The following QKI variants were observed in gnomAD, a reference collection of about 807,000 sequenced individuals.
QKI encodes the protein KH domain-containing RNA-binding protein QKI.
A neutral mutation model predicts 39.0 loss-of-function variants in QKI; 10 were observed. The observed-to-expected ratio is 0.26, with a 90% confidence interval of 0.16 to 0.43. The LOEUF is 0.43. Among genes scored for constraint, QKI ranks in the 20% least tolerant of loss-of-function variants. QKI has a pLI of 1.00. For missense variants in QKI, 218 were observed against 428.0 expected (o/e 0.51, Z 4.33); for synonymous variants, 204 against 155.4 (o/e 1.31, Z -2.33).
intron 3 of QKI, among the ~76,000 whole-genome samples, chr6:163,521,547 G>A (rs1344588590): frequency 1.3e-5 from 2 of 151,404 alleles, no homozygotes; most frequent in South Asian, 2.1e-4. Flanking sequence ...TTTTGAGACA[G>A]AAACTCACTC....
At chr6:163,536,540 C>T (rs1306754221) in intron 4 of QKI, among the ~76,000 whole-genome samples, 1 of 152,120 alleles carries the variant, frequency 6.6e-6, no homozygotes, top group Non-Finnish European at 1.5e-5. Flanking sequence ...CCCTGACAAC[C>T]GAGCCCTCCC....
chr6:163,438,934 T>G (rs1262920896), intron 1 of QKI, among the ~76,000 whole-genome samples: 1 of 152,212 alleles, frequency 6.6e-6, no homozygotes, highest in East Asian at 1.9e-4. Context: ...ACAAATACAT[T>G]ATACAGCTGT....
chr6:163,480,847 A>G (rs916270880), intron 3 of QKI, among the ~76,000 whole-genome samples: 2 of 152,226 alleles, frequency 1.3e-5, no homozygotes, highest in Admixed American at 1.3e-4. Context: ...ATAAATCTGT[A>G]TGAAAAGATT....
intron 5 of QKI, among the ~76,000 whole-genome samples, chr6:163,562,657 AAAT>A (rs1371563500): frequency 6.6e-6 from 1 of 152,200 alleles, no homozygotes; most frequent in Non-Finnish European, 1.5e-5. Context: ...GTTTAAAATG[AAAT>A]AATGTGAAAT....
At chr6:163,527,950 A>G (rs1780615608) in intron 3 of QKI, among the ~76,000 whole-genome samples, 1 of 152,170 alleles carries the variant, frequency 6.6e-6, no homozygotes, top group Non-Finnish European at 1.5e-5. Context: ...CTACAGATTT[A>G]TCCTTTTTGT....
intron 3 of QKI, among the ~76,000 whole-genome samples, chr6:163,498,004 C>G (rs987152869): frequency 2.0e-5 from 3 of 151,900 alleles, no homozygotes; most frequent in African/African-American, 7.2e-5. Context: ...AATTAAAATA[C>G]TACTTTAAAA....
intron 4 of QKI, among the ~76,000 whole-genome samples, chr6:163,555,086 T>G (rs1178213084): frequency 6.6e-6 from 1 of 152,202 alleles, no homozygotes; most frequent in Non-Finnish European, 1.5e-5. Flanking sequence ...TTCTCTGATA[T>G]TTGTTATTCT....
intron 4 of QKI, among the ~76,000 whole-genome samples, chr6:163,539,477 A>G (rs536274223): frequency 6.6e-6 from 1 of 152,162 alleles, no homozygotes; most frequent in East Asian, 1.9e-4. Context: ...ATATTGCTTC[A>G]CCTGCAGTGA....
In QKI at chr6:163,431,182, G is replaced by GA. The variant is rs892440437; in HGVS notation, c.142+15857dup. On this transcript the variant is annotated intron_variant, in intron 1 of 7. Transcript: ENST00000361752. ...TCAAGTCAAATCAAAGTACCCCTTG[G>GA]AAAAAAAAAAGTTATATTATTCCAC... Among the ~76,000 whole-genome samples, 16 of 148,460 alleles carry GA rather than the reference G, an allele frequency of 1.1e-4. 1 individual carries two copies. The highest frequency in any genetic ancestry group is 8.5e-4 in the South Asian group (4 of 4,680).
At chr6:163,501,305 G>A (rs1290201786) in intron 3 of QKI, among the ~76,000 whole-genome samples, 2 of 150,152 alleles carry the variant, frequency 1.3e-5, no homozygotes, top group East Asian at 2.0e-4. Flanking sequence ...AAAACCCAAA[G>A]CATTTGAGGC....
chr6:163,417,601 T>C (rs1005231223), intron 1 of QKI, among the ~76,000 whole-genome samples: 1 of 152,204 alleles, frequency 6.6e-6, no homozygotes. Flanking sequence ...TGTCATTGTC[T>C]CTGACAAAGG....
At chr6:163,445,626 T>TTG (rs1790092376) in intron 1 of QKI, among the ~76,000 whole-genome samples, 1 of 151,510 alleles carries the variant, frequency 6.6e-6, no homozygotes, top group African/African-American at 2.4e-5. Context: ...TTTTTTTTTT[T>TTG]TTTTTTTAGT....
At chr6:163,493,772 GA>G (rs1240991360) in intron 3 of QKI, among the ~76,000 whole-genome samples, 1 of 152,178 alleles carries the variant, frequency 6.6e-6, no homozygotes, top group Non-Finnish European at 1.5e-5. Flanking sequence ...TTCACTGTTT[GA>G]AATTGTAAGC....
chr6:163,479,003 A>G, intron 3 of QKI, 107 bp downstream of exon 3: 2 of 953,286 alleles, frequency 2.1e-6, no homozygotes, highest in Non-Finnish European at 3.1e-6. Context: ...ACTATATTCC[A>G]GGCCGGGCGC....
chr6:163,569,494 T>G (rs937701575), intron 7 of QKI: 2 of 1,271,800 alleles, frequency 1.6e-6, no homozygotes, highest in Non-Finnish European at 2.0e-6. Context: ...GTAGAAATAA[T>G]TAAGCTGTTG....
intron 2 of QKI, chr6:163,457,251 A>G (rs1262646109): frequency 4.5e-6 from 2 of 449,356 alleles, no homozygotes; most frequent in African/African-American, 2.0e-5. Context: ...ATCTCTTAAA[A>G]AAAGAAATCC....
chr6:163,509,096 C>T (rs538192269), intron 3 of QKI, among the ~76,000 whole-genome samples: 166 of 152,210 alleles, frequency 1.1e-3, no homozygotes, highest in Non-Finnish European at 1.8e-3. Context: ...CAAGATTGTG[C>T]CACTGCACTC....
In QKI at chr6:163,570,911, T is replaced by TC; in HGVS notation, c.*203dup. ...CAACTCAGCTTTTTTTTTTTTTTTT[T>TC]CCTGTTTGGGTGAAAGTGGTTCTAG... On this transcript the variant is annotated 3_prime_UTR_variant, in exon 8 of 8. Transcript: ENST00000361752. 1 of 659,582 alleles carries TC rather than the reference T, an allele frequency of 1.5e-6. No homozygotes were observed. Among genetic ancestry groups the TC allele is most frequent in the South Asian group, 2.6e-5 (1 of 38,644 alleles). The allele number at this position is 659,582 out of a possible 1,614,324, so 40.9% of individuals were successfully genotyped here. A position where few individuals can be genotyped will look rare whatever the true frequency, so the allele number is the denominator to read the frequency against.
intron 1 of QKI, among the ~76,000 whole-genome samples, chr6:163,434,641 G>A (rs934276655): frequency 1.3e-5 from 2 of 152,038 alleles, no homozygotes; most frequent in African/African-American, 4.8e-5. Context: ...TGTGAACCCA[G>A]GAGGCGGAGC....
Sources: allele counts gnomAD v4.1 joint callset (sites outside exome capture counted in the v4.1 genomes callset), GRCh38; gene constraint gnomAD v4.1.1; transcripts MANE v1.5; gene names NCBI Gene and HGNC (gene_info 2026-07-23, HGNC 2026-07-21).